CABLES1: variants seen among roughly 807,000 people sequenced by gnomAD.
CABLES1 encodes the protein Cdk5 and Abl enzyme substrate 1, also known as CDK5 and ABL1 enzyme substrate 1.
Under a neutral mutation model 57.8 loss-of-function variants are expected in CABLES1, and 36 were observed. That is an observed-to-expected ratio of 0.62 (90% confidence interval 0.48 to 0.82). The LOEUF is 0.82. Among genes scored for constraint, CABLES1 ranks in the 40% least tolerant of loss-of-function variants. The probability of loss-of-function intolerance (pLI) is 0.00; values close to 1 mark genes in which losing one functional copy is unlikely to be tolerated. For synonymous variants in CABLES1, 374 were observed against 363.0 expected (o/e 1.03, Z -0.35); for missense variants, 767 against 836.6 (o/e 0.92, Z 1.03).
intron 1 of CABLES1, among the ~76,000 whole-genome samples, chr18:23,141,737 T>G (rs2046859156): frequency 6.6e-6 from 1 of 152,246 alleles, no homozygotes; most frequent in Non-Finnish European, 1.5e-5. Context: ...TGCTGGCAAG[T>G]GCCTGGGGAG....
intron 1 of CABLES1, among the ~76,000 whole-genome samples, chr18:23,185,163 C>G (rs1182585873): frequency 1.3e-5 from 2 of 152,174 alleles, no homozygotes; most frequent in Admixed American, 6.5e-5. Flanking sequence ...TTTCTCGTTT[C>G]TGGTGCAGGA....
chr18:23,151,015 G>GTT (rs56227106), intron 1 of CABLES1, among the ~76,000 whole-genome samples: 4 of 94,836 alleles, frequency 4.2e-5, no homozygotes, highest in South Asian at 3.6e-4. Context: ...CCTGGCCTAC[G>GTT]TTTTTTTTTT....
intron 3 of CABLES1, chr18:23,197,669 G>GTT (rs1287328587): frequency 1.3e-5 from 2 of 152,330 alleles, no homozygotes; most frequent in African/African-American, 4.8e-5. Flanking sequence ...CCTGCTGGGT[G>GTT]TTTCGTCTCC....
At chr18:23,246,662 A>G (rs1469064447) in intron 7 of CABLES1, among the ~76,000 whole-genome samples, 1 of 151,200 alleles carries the variant, frequency 6.6e-6, no homozygotes, top group African/African-American at 2.4e-5. Context: ...AAGTGCTGGG[A>G]TTATATGCTT....
intron 9 of CABLES1, 90 bp from the exon 10 acceptor site, chr18:23,257,137 A>C (rs528851301): frequency 1.4e-6 from 2 of 1,448,918 alleles, no homozygotes; most frequent in African/African-American, 2.8e-5. Context: ...CTGAGCACTC[A>C]CTGGCTGGTG....
intron 1 of CABLES1, among the ~76,000 whole-genome samples, chr18:23,183,863 T>C (rs908379087): frequency 1.3e-5 from 2 of 152,230 alleles, no homozygotes; most frequent in Admixed American, 6.5e-5. Flanking sequence ...GAAAAGTGGC[T>C]GTTTAAGATT....
intron 3 of CABLES1, among the ~76,000 whole-genome samples, chr18:23,199,433 T>G (rs1411995279): frequency 6.6e-6 from 1 of 152,214 alleles, no homozygotes; most frequent in Non-Finnish European, 1.5e-5. Flanking sequence ...TAATAGCTAA[T>G]AGGTGGAAAC....
chr18:23,147,829 C>T (rs1402253283), intron 1 of CABLES1, among the ~76,000 whole-genome samples: 1 of 152,288 alleles, frequency 6.6e-6, no homozygotes, highest in East Asian at 1.9e-4. Flanking sequence ...CAGGAAGACG[C>T]TGCCCTACTT....
chr18:23,135,854 C>A lies in CABLES1; in HGVS notation c.92C>A (p.Pro31Gln), dbSNP rs945522491. The change falls in exon 1 of 10, where the codon CCG becomes CAG. Residue 31 changes from proline to glutamine, a missense_variant. By Grantham distance (76) the Pro-to-Gln change is moderately conservative (BLOSUM62 -1). Around this residue, in one of 4 missense-constraint regions of CABLES1, gnomAD observed 198 missense variants for 149.7 expected, o/e 1.32. Transcript: ENST00000256925. ...GCGGGCGCCAGCGGATTGCAGCAGC[C>A]GCCGCCGCAGCCCCAGCCTCAGCCC... ...DAAGASGLQQ[P>Q]PPQPQPQPAA... is the part of the protein sequence containing the mutation. 2.0e-6 allele frequency: 2 copies of A among 988,956 alleles called. No individual in the cohort carries two copies. Among genetic ancestry groups the A allele is most frequent in the Non-Finnish European group, 2.4e-6 (2 of 829,302 alleles). The allele number at this position is 988,956 out of a possible 1,614,324, so 61.3% of individuals were successfully genotyped here.
At chr18:23,223,718 G>C (rs560020996) in intron 4 of CABLES1, among the ~76,000 whole-genome samples, 1 of 151,498 alleles carries the variant, frequency 6.6e-6, no homozygotes, top group Non-Finnish European at 1.5e-5. Flanking sequence ...CATCCTCTCC[G>C]CCACCACCCA....
chr18:23,243,867 C>A (rs1408649656), intron 7 of CABLES1, among the ~76,000 whole-genome samples: 1 of 116,604 alleles, frequency 8.6e-6, no homozygotes, highest in African/African-American at 4.8e-5. Context: ...ACCAAGACTC[C>A]GTTTCAAAAA....
chr18:23,135,764 TGGCGGCGGC>T lies in CABLES1; in HGVS notation c.12_20del (p.AlaAlaAla6_?8), dbSNP rs899219981. The T allele has an allele frequency of 2.1e-5, 21 of 983,550 alleles. No individual in the cohort carries two copies. In the African/African-American group the frequency reaches 3.0e-4, roughly 14 times the overall value. The allele number at this position is 983,550 out of a possible 1,614,324, so 60.9% of individuals were successfully genotyped here. A position where few individuals can be genotyped will look rare whatever the true frequency, so the allele number is the denominator to read the frequency against. On this transcript the variant is annotated start_lost and inframe_deletion, in exon 1 of 10. Transcript: ENST00000256925. ...GAAATCCCGCCGCAGACGGACACAA[TGGCGGCGGC>T]GGCGGCGGCCGCCACCACGGCCGCC...
At chr18:23,176,368 G>A (rs750752851) in intron 1 of CABLES1, among the ~76,000 whole-genome samples, 9 of 152,110 alleles carry the variant, frequency 5.9e-5, no homozygotes, top group African/African-American at 2.4e-5. Flanking sequence ...CTGATGCCCC[G>A]CTGATCTCAC....
intron 1 of CABLES1, among the ~76,000 whole-genome samples, chr18:23,150,540 C>T (rs935918349): frequency 5.3e-5 from 8 of 152,042 alleles, no homozygotes; most frequent in Non-Finnish European, 1.2e-4. Flanking sequence ...TTTCAAGTAT[C>T]CAAGCAGATT....
chr18:23,200,830 G>A lies in CABLES1; in HGVS notation c.1010+6290G>A, dbSNP rs556466052. ...TGTGGATAGAGCAGTGAGAAGGGCCGGGTGATTGTGAAGCTGGAGTTTCTG... is the reference window on the plus strand; with the variant it reads ...TGTGGATAGAGCAGTGAGAAGGGCCAGGTGATTGTGAAGCTGGAGTTTCTG... On this transcript the variant is annotated intron_variant, in intron 3 of 9. Coordinates refer to ENST00000256925, the MANE Select transcript of CABLES1 (RefSeq NM_001100619.3). Among the ~76,000 whole-genome samples, 36 of 152,344 alleles carry A rather than the reference G, an allele frequency of 2.4e-4. No homozygotes were observed. The South Asian group carries it at 4.1e-3, about 18-fold the overall frequency.
chr18:23,233,050 A>G (rs1395523535), intron 4 of CABLES1, among the ~76,000 whole-genome samples: 1 of 152,182 alleles, frequency 6.6e-6, no homozygotes, highest in African/African-American at 2.4e-5. Flanking sequence ...CCCTCCATCC[A>G]GGCCACACAG....
At chr18:23,215,945 G>A (rs1310414711) in intron 4 of CABLES1, among the ~76,000 whole-genome samples, 3 of 151,908 alleles carry the variant, frequency 2.0e-5, no homozygotes, top group African/African-American at 4.8e-5. Context: ...TAGTAGAGAC[G>A]GGGTTTCACC....
At chr18:23,167,140 A>G (rs1375996043) in intron 1 of CABLES1, among the ~76,000 whole-genome samples, 1 of 152,190 alleles carries the variant, frequency 6.6e-6, no homozygotes, top group Non-Finnish European at 1.5e-5. Context: ...TATTTCCCCT[A>G]ATCTCCTGGG....
At chr18:23,251,706 C>T (rs1040688335) in intron 7 of CABLES1, among the ~76,000 whole-genome samples, 1 of 152,204 alleles carries the variant, frequency 6.6e-6, no homozygotes, top group Non-Finnish European at 1.5e-5. Context: ...CAAAGACTTA[C>T]TGGTTACCAT....
Sources: gnomAD v4.1 joint callset for allele counts (sites outside exome capture counted in the v4.1 genomes callset) on GRCh38, gnomAD v4.1.1 for gene constraint, gnomAD v4.1.1 regional missense constraint, MANE v1.5 for transcripts, NCBI Gene and HGNC (gene_info 2026-07-23, HGNC 2026-07-21) for gene names.